Variants in LYST observed in about 807,000 individuals in gnomAD.
The protein encoded by LYST is lysosomal trafficking regulator.
LYST carries 192 observed loss-of-function variants against 413.6 expected under a neutral mutation model. That is an observed-to-expected ratio of 0.46 (90% CI 0.41 to 0.52). The LOEUF (loss-of-function observed/expected upper bound fraction) is 0.52. LYST is among the 20% of genes least tolerant of loss of function. The pLI is 0.00. For missense variants in LYST, 3,815 were observed against 4,499.9 expected (o/e 0.85, Z 4.35); for synonymous variants, 1,525 against 1,567.3 (o/e 0.97, Z 0.64).
Position 235,688,586 on chromosome 1 carries a change from T to C in LYST, c.10702-1539A>G, listed in dbSNP as rs534673590. ...GACAGAGGAAGATGTTTCACAATTA[T>C]GAGACTAATCACAACATGAAGGCAC... On this transcript the variant is annotated intron_variant, in intron 47 of 52. Coordinates refer to ENST00000389793, the MANE Select transcript of LYST (RefSeq NM_000081.4). 4.6e-5 allele frequency among the ~76,000 whole-genome samples: 7 copies of C among 152,332 alleles called. No individual in the cohort carries two copies. In the East Asian group the frequency reaches 7.7e-4, roughly 17 times the overall value.
intron 1 of LYST, among the ~76,000 whole-genome samples, chr1:235,838,701 G>T (rs1676845031): frequency 6.6e-6 from 1 of 152,150 alleles, no homozygotes; most frequent in African/African-American, 2.4e-5. Context: ...ATTAACAAAT[G>T]TTCTCAGAAT....
chr1:235,677,004 A>G, intron 50 of LYST, 87 bp downstream of exon 50: 2 of 894,328 alleles, frequency 2.2e-6, no homozygotes, highest in South Asian at 1.3e-5. Flanking sequence ...GGGACCTGAG[A>G]GAATGGCTCG....
intron 3 of LYST, chr1:235,828,980 A>G: frequency 4.6e-6 from 1 of 216,442 alleles, no homozygotes; most frequent in Non-Finnish European, 7.9e-6. Flanking sequence ...CAACGGGGGT[A>G]GACTGCTTGA....
chr1:235,815,161 A>G (rs1157346498), intron 3 of LYST, among the ~76,000 whole-genome samples: 1 of 152,062 alleles, frequency 6.6e-6, no homozygotes, highest in African/African-American at 2.4e-5. Flanking sequence ...CTGAATGCCC[A>G]TTTTCCTCTT....
chr1:235,729,600 T>C lies in LYST; in HGVS notation c.9102A>G (p.Leu3034=). 1 of 1,605,618 alleles carries C rather than the reference T, an allele frequency of 6.2e-7. No individual in the cohort carries two copies. Among genetic ancestry groups the C allele is most frequent in the Non-Finnish European group, 8.5e-7 (1 of 1,172,492 alleles). Residue 3034 remains leucine, a synonymous_variant, in exon 37 of 53, where the codon TTA becomes TTG. Coordinates refer to ENST00000389793, the MANE Select transcript of LYST (RefSeq NM_000081.4). ...ATTCTTCAAAATTTGACTTACCTAG[T>C]AACAATTCACCAGCTGTCTCTCTAG... The part of the protein sequence containing the change: ...APSRETAGEL[L]LGKCGMYFVE...
intron 1 of LYST, among the ~76,000 whole-genome samples, chr1:235,861,919 T>A (rs944476807): frequency 1.3e-5 from 2 of 152,222 alleles, no homozygotes; most frequent in Non-Finnish European, 2.9e-5. Context: ...CCATCTTTAC[T>A]GAAACAAAAC....
At chr1:235,846,110 C>T (rs1047493533) in intron 1 of LYST, among the ~76,000 whole-genome samples, 5 of 152,146 alleles carry the variant, frequency 3.3e-5, no homozygotes, top group Admixed American at 1.3e-4. Context: ...AGGACCCTCA[C>T]GGAGTCCACT....
chr1:235,670,857 C>T (rs757331695), intron 50 of LYST, among the ~76,000 whole-genome samples: 1 of 152,176 alleles, frequency 6.6e-6, no homozygotes, highest in East Asian at 1.9e-4. Context: ...GAACCCCATA[C>T]AGTCAGGAAA....
chr1:235,816,465 AAAAAT>A (rs1193277546), intron 3 of LYST, among the ~76,000 whole-genome samples: 57 of 110,140 alleles, frequency 5.2e-4, no homozygotes, highest in African/African-American at 2.9e-3. Context: ...AATAAAAAAT[AAAAAT>A]AAAAAAAAAA....
chr1:235,875,787 G>A lies in LYST; in HGVS notation n.454+7400C>T, dbSNP rs569939246. Among the ~76,000 whole-genome samples, 3 of 152,292 alleles carry A rather than the reference G, an allele frequency of 2.0e-5. No individual in the cohort carries two copies. The Middle Eastern group carries it at 0.01, about 518-fold the overall frequency. On this transcript the variant is annotated intron_variant and non_coding_transcript_variant, in intron 1 of 11. Coordinates refer to the LYST transcript ENST00000465349. ...TGAGCCCAGGAGTTTGAGGCTTGCA[G>A]TGAGGTATGGTACTCAAGCCTGGGT...
exon 1 of LYST, chr1:235,883,531 G>C (rs373132276): frequency 6.6e-6 from 1 of 152,654 alleles, no homozygotes; most frequent in Non-Finnish European, 1.5e-5. Flanking sequence ...ACTTTCCCAC[G>C]TAAGAATGAA....
chr1:235,664,434 A>G lies in LYST; in HGVS notation c.11195+31T>C, dbSNP rs1658266952. On this transcript the variant is annotated intron_variant, in intron 51 of 52. Coordinates refer to ENST00000389793, the MANE Select transcript of LYST (RefSeq NM_000081.4). This position sits in a 1 kb window ranked among gnomAD's most constrained non-coding sequence, Gnocchi z 4.5. ...AAACTCCTGTGTCCTTATGAATGAA[A>G]TCAAAAAAAGAGAATCCAAATTCCT... is the stretch of plus-strand genomic sequence containing the variant. 2 of 1,606,406 alleles carry G rather than the reference A, an allele frequency of 1.2e-6. No individual in the cohort carries two copies. The highest frequency in any genetic ancestry group is 8.5e-7 in the Non-Finnish European group (1 of 1,173,458).
At chr1:235,815,651 T>A (rs1428308025) in intron 3 of LYST, among the ~76,000 whole-genome samples, 1 of 152,036 alleles carries the variant, frequency 6.6e-6, no homozygotes, top group Non-Finnish European at 1.5e-5. Flanking sequence ...ACACCCAAGC[T>A]GAGGGGCAAA....
At chr1:235,851,453 G>A (rs1678531055) in intron 1 of LYST, among the ~76,000 whole-genome samples, 1 of 151,978 alleles carries the variant, frequency 6.6e-6, no homozygotes, top group South Asian at 2.1e-4. Flanking sequence ...ATGGTACAGT[G>A]TATACTGCTT....
chr1:235,713,633 C>T (rs6660691), intron 42 of LYST, among the ~76,000 whole-genome samples: 75,881 of 151,978 alleles, frequency 0.5, 22,389 homozygotes, highest in African/African-American at 0.82. Flanking sequence ...GTGGTGGTAC[C>T]ACTGGCACTA....
chr1:235,720,536 T>A lies in LYST; in HGVS notation c.9560+125A>T. On this transcript the variant is annotated intron_variant, in intron 40 of 52. Transcript: ENST00000389793. ...ACAATTGTTGAACCAGGGTGATAGG[T>A]ATGTGGGGTCTTATATAATTCTTCT... 7.7e-6 allele frequency: 7 copies of A among 904,590 alleles called. No homozygotes were observed. The South Asian group carries it at 1.0e-4, about 13-fold the overall frequency. The allele number at this position is 904,590 out of a possible 1,614,324, so 56.0% of individuals were successfully genotyped here.
chr1:235,779,371 T>C (rs1669630236), intron 16 of LYST, among the ~76,000 whole-genome samples: 2 of 152,256 alleles, frequency 1.3e-5, no homozygotes, highest in Admixed American at 1.3e-4. Context: ...AATTTTTCTA[T>C]GAAAACAAAT....
intron 46 of LYST, among the ~76,000 whole-genome samples, chr1:235,695,390 C>G (rs1572015740): frequency 6.6e-6 from 1 of 152,204 alleles, no homozygotes; most frequent in Non-Finnish European, 1.5e-5. Context: ...GGAAACTGTT[C>G]TATTAAACTA....
chr1:235,699,660 T>C (rs1167284137), intron 45 of LYST, among the ~76,000 whole-genome samples: 2 of 152,224 alleles, frequency 1.3e-5, no homozygotes, highest in Non-Finnish European at 2.9e-5. Context: ...CCACACTGTC[T>C]TCCACAAGGG....
Sources: allele counts gnomAD v4.1 joint callset (sites outside exome capture counted in the v4.1 genomes callset), GRCh38; gene constraint gnomAD v4.1.1; non-coding constraint Gnocchi (gnomAD v3.1); transcripts MANE v1.5; gene names NCBI Gene and HGNC (gene_info 2026-07-23, HGNC 2026-07-21).